Variants in MXRA7 observed in about 807,000 individuals in gnomAD.
MXRA7 encodes the protein matrix-remodeling-associated protein 7.
A neutral mutation model predicts 17.4 loss-of-function variants in MXRA7; 18 were observed. That is an observed-to-expected ratio of 1.03 (90% confidence interval 0.71 to 1.53). The LOEUF is 1.53. Among genes scored for constraint, MXRA7 ranks in the 40% most tolerant of loss-of-function variants. MXRA7 has a pLI of 0.00. For synonymous variants in MXRA7, 70 were observed against 101.7 expected (o/e 0.69, Z 1.87); for missense variants, 141 against 209.3 (o/e 0.67, Z 2.01).
At chr17:76,691,243 G>A (rs1432249902) in intron 1 of MXRA7, among the ~76,000 whole-genome samples, 1 of 152,188 alleles carries the variant, frequency 6.6e-6, no homozygotes. Context: ...CGTGCGCAGG[G>A]GGTAGCGTAC....
intron 2 of MXRA7, 114 bp downstream of exon 2, chr17:76,687,999 T>A (rs2076421020): frequency 1.2e-6 from 1 of 801,474 alleles, no homozygotes; most frequent in South Asian, 1.6e-5. Flanking sequence ...CAGGCCACTG[T>A]CCCACCCCAT....
chr17:76,685,073 T>G lies in MXRA7; in HGVS notation c.499A>C (p.Arg167=), dbSNP rs1310766471. The G allele has an allele frequency of 3.1e-6, 5 of 1,613,496 alleles. No individual in the cohort carries two copies. The highest frequency in any genetic ancestry group is 4.2e-6 in the Non-Finnish European group (5 of 1,179,662). Residue 167 remains arginine, a splice_region_variant and synonymous_variant, in exon 3 of 4, where the codon AGA becomes CGA. Coordinates refer to ENST00000449428, the MANE Select transcript of MXRA7 (RefSeq NM_198530.4). ...MTKEELEEEQ[R]TEE is the part of the protein sequence containing the mutation. ...GCCAGCGAAGGGGCTGCAGCCTACC[T>G]CTGCTCCTCCTCCAGCTCCTCTTTG... is the stretch of plus-strand genomic sequence containing the variant.
chr17:76,688,338 G>C (rs750210229), intron 1 of MXRA7, 162 bp from the exon 2 acceptor site: 5 of 1,453,206 alleles, frequency 3.4e-6, no homozygotes, highest in Non-Finnish European at 3.6e-6. Context: ...AGCAGGTGGG[G>C]GCTGTGTACA....
intron 2 of MXRA7, among the ~76,000 whole-genome samples, chr17:76,687,599 G>T (rs962047784): frequency 2.0e-5 from 3 of 152,226 alleles, no homozygotes; most frequent in African/African-American, 7.2e-5. Flanking sequence ...CGATCTGGCA[G>T]TGTCTCCCCT....
intron 1 of MXRA7, among the ~76,000 whole-genome samples, chr17:76,709,015 A>G (rs151076203): frequency 0.013 from 1,911 of 152,240 alleles, 20 homozygotes; most frequent in Admixed American, 0.023. Context: ...GAGTGGCCCT[A>G]TTTAAACACC....
chr17:76,701,565 G>A (rs1385555580), intron 1 of MXRA7, among the ~76,000 whole-genome samples: 1 of 152,084 alleles, frequency 6.6e-6, no homozygotes, highest in African/African-American at 2.4e-5. Context: ...AAGGCAGCAA[G>A]GCAGGCCTGG....
chr17:76,679,295 A>AAAAAAC (rs1567974766), downstream of MXRA7, among the ~76,000 whole-genome samples: 3 of 143,692 alleles, frequency 2.1e-5, no homozygotes, highest in African/African-American at 5.9e-5. Context: ...CTCAAAAAAA[A>AAAAAAC]AAAAAAAAAG....
chr17:76,679,171 C>G (rs574823334), downstream of MXRA7, among the ~76,000 whole-genome samples: 164 of 152,012 alleles, frequency 1.1e-3, no homozygotes, highest in African/African-American at 3.3e-3. Flanking sequence ...ACCTGTAGTC[C>G]CAGCTACCTG....
intron 1 of MXRA7, among the ~76,000 whole-genome samples, chr17:76,691,772 C>T (rs2076481255): frequency 6.6e-6 from 1 of 152,146 alleles, no homozygotes; most frequent in South Asian, 2.1e-4. Context: ...GGCAAACAGT[C>T]ACTGACCTAT....
At chr17:76,677,794 C>T, downstream of MXRA7, 1 of 846,360 alleles carries the variant, frequency 1.2e-6, no homozygotes, top group South Asian at 1.4e-5. Context: ...TTGGGACTCT[C>T]CTCTCTCTTG....
chr17:76,699,260 C>A (rs1018959597), intron 1 of MXRA7, among the ~76,000 whole-genome samples: 28 of 152,184 alleles, frequency 1.8e-4, no homozygotes, highest in African/African-American at 1.9e-4. Flanking sequence ...ACCCTCCCCC[C>A]TCAGCCTCCT....
At chr17:76,701,446 C>T (rs1476788) in intron 1 of MXRA7, among the ~76,000 whole-genome samples, 1 of 151,522 alleles carries the variant, frequency 6.6e-6, no homozygotes, top group African/African-American at 2.4e-5. Flanking sequence ...CTGAGGTGCA[C>T]GTAGACAACC....
At chr17:76,685,991 T>C (rs1218893687) in intron 2 of MXRA7, among the ~76,000 whole-genome samples, 1 of 152,156 alleles carries the variant, frequency 6.6e-6, no homozygotes, top group Non-Finnish European at 1.5e-5. Context: ...GAGGGAGGCA[T>C]AGAGAGATCC....
chr17:76,680,991 G>A lies in MXRA7; in HGVS notation c.501-112C>T. On this transcript the variant is annotated intron_variant, in intron 3 of 3. Coordinates refer to ENST00000449428, the MANE Select transcript of MXRA7 (RefSeq NM_198530.4). ...AGGAAGGAGAATGTTTGGAATTGCA[G>A]AAGCTGCGCTAGACTCTGGTTTCTC... 5.6e-6 allele frequency: 5 copies of A among 887,094 alleles called. No individual in the cohort carries two copies. The East Asian group carries it at 1.1e-4, about 19-fold the overall frequency. 55.0% of individuals were successfully genotyped at this position (887,094 alleles called of 1,614,324 possible).
intron 1 of MXRA7, among the ~76,000 whole-genome samples, chr17:76,703,055 T>G (rs890815218): frequency 6.6e-6 from 1 of 151,486 alleles, no homozygotes; most frequent in Non-Finnish European, 1.5e-5. Context: ...GAGGTTGCAG[T>G]GAGCTGAGAT....
intron 3 of MXRA7, chr17:76,684,554 AG>A: frequency 3.2e-6 from 1 of 316,242 alleles, no homozygotes; most frequent in Non-Finnish European, 6.3e-6. Flanking sequence ...CCAAATGGGA[AG>A]GGGGAGCCAA....
chr17:76,702,858 A>ATACATATACGT (rs1555644735), intron 1 of MXRA7, among the ~76,000 whole-genome samples: 5 of 55,676 alleles, frequency 9.0e-5, no homozygotes, highest in Non-Finnish European at 2.1e-4. Flanking sequence ...TCTTAAAATA[A>ATACATATACGT]ATATATATAT....
chr17:76,677,469 C>T (rs567216937), downstream of MXRA7: 59 of 671,042 alleles, frequency 8.8e-5, no homozygotes, highest in Admixed American at 6.0e-4. Flanking sequence ...ATAGAATGTA[C>T]GCCTGCATCT....
At chr17:76,689,387 C>G (rs1359725395) in intron 1 of MXRA7, 2 of 152,512 alleles carry the variant, frequency 1.3e-5, no homozygotes, top group African/African-American at 4.8e-5. Flanking sequence ...GCCACTGTGC[C>G]TGGCCTGAGG....
Sources: allele counts gnomAD v4.1 joint callset (sites outside exome capture counted in the v4.1 genomes callset), GRCh38; gene constraint gnomAD v4.1.1; transcripts MANE v1.5; gene names NCBI Gene and HGNC (gene_info 2026-07-23, HGNC 2026-07-21).